PXDNL: variants seen among roughly 807,000 people sequenced by gnomAD.
PXDNL encodes the protein probable oxidoreductase PXDNL.
PXDNL carries 145 observed loss-of-function variants against 150.8 expected under a neutral mutation model. That is an observed-to-expected ratio of 0.96 (90% CI 0.84 to 1.10). PXDNL has a LOEUF of 1.10. Ranked by LOEUF, PXDNL falls within the 50% of genes least tolerant of loss-of-function variation. The probability of loss-of-function intolerance (pLI) is 0.00; values close to 1 mark genes in which losing one functional copy is unlikely to be tolerated. For missense variants in PXDNL, 2,087 were observed against 1,873.9 expected (o/e 1.11, Z -2.10); for synonymous variants, 757 against 725.7 (o/e 1.04, Z -0.69).
chr8:51,449,366 A>C (rs138015447), intron 10 of PXDNL, among the ~76,000 whole-genome samples: 1 of 152,332 alleles, frequency 6.6e-6, no homozygotes, highest in East Asian at 1.9e-4. Context: ...CCATTTCTAA[A>C]TCTTACGGCA....
intron 3 of PXDNL, among the ~76,000 whole-genome samples, chr8:51,563,731 T>C (rs1812761055): frequency 6.6e-6 from 1 of 152,084 alleles, no homozygotes; most frequent in South Asian, 2.1e-4. Flanking sequence ...AAATTCACAG[T>C]TGATACACAC....
intron 2 of PXDNL, among the ~76,000 whole-genome samples, chr8:51,616,428 T>C (rs1326409569): frequency 6.6e-6 from 1 of 152,040 alleles, no homozygotes; most frequent in Non-Finnish European, 1.5e-5. Flanking sequence ...AAAACTAAAC[T>C]GAAGAATGTA....
chr8:51,391,119 C>A (rs1318862031), intron 17 of PXDNL, among the ~76,000 whole-genome samples: 1 of 152,200 alleles, frequency 6.6e-6, no homozygotes, highest in Non-Finnish European at 1.5e-5. Flanking sequence ...TGTATATGTG[C>A]CACATTTTCT....
intron 4 of PXDNL, among the ~76,000 whole-genome samples, chr8:51,542,584 G>T (rs745802101): frequency 4.2e-4 from 63 of 151,756 alleles, no homozygotes; most frequent in Non-Finnish European, 6.6e-4. Flanking sequence ...CGAAGCAGAT[G>T]AATCACATGA....
chr8:51,495,382 A>C (rs199916520), intron 5 of PXDNL, among the ~76,000 whole-genome samples: 8,546 of 152,202 alleles, frequency 0.056, 342 homozygotes, highest in South Asian at 0.092. Flanking sequence ...TAGAAAAGCA[A>C]GAGCAAACAC....
chr8:51,557,154 G>A (rs137876232), intron 3 of PXDNL, among the ~76,000 whole-genome samples: 1,588 of 152,244 alleles, frequency 0.01, 7 homozygotes, highest in South Asian at 0.04. Flanking sequence ...TAGAGTATTT[G>A]TGGAGAAATT....
At chr8:51,387,557 G>T (rs1018557237) in intron 17 of PXDNL, among the ~76,000 whole-genome samples, 1 of 152,126 alleles carries the variant, frequency 6.6e-6, no homozygotes, top group Non-Finnish European at 1.5e-5. Context: ...ATTTTTGCCG[G>T]TTCTAAGCCA....
chr8:51,472,930 T>C (rs1462150037), intron 7 of PXDNL, among the ~76,000 whole-genome samples: 1 of 152,200 alleles, frequency 6.6e-6, no homozygotes, highest in African/African-American at 2.4e-5. Flanking sequence ...CTTTTAGTTT[T>C]CTATAGTTTC....
intron 1 of PXDNL, among the ~76,000 whole-genome samples, chr8:51,717,943 T>G (rs1240074092): frequency 6.6e-6 from 1 of 152,154 alleles, no homozygotes; most frequent in Non-Finnish European, 1.5e-5. Flanking sequence ...AAAAGCAAAG[T>G]GAGAGTCATG....
At chr8:51,409,594 G>T in intron 16 of PXDNL, 33 bp from the exon 17 acceptor site, 1 of 1,517,854 alleles carries the variant, frequency 6.6e-7, no homozygotes. Flanking sequence ...CGTGAGGAGG[G>T]CGGGCCTGGG....
chr8:51,796,643 A>C (rs967892847), intron 1 of PXDNL, among the ~76,000 whole-genome samples: 3 of 152,218 alleles, frequency 2.0e-5, no homozygotes, highest in African/African-American at 7.2e-5. Context: ...AAATCCCTGA[A>C]TAGACCAATA....
At chr8:51,521,812 T>G (rs1811670838) in intron 4 of PXDNL, among the ~76,000 whole-genome samples, 1 of 152,112 alleles carries the variant, frequency 6.6e-6, no homozygotes, top group Admixed American at 6.5e-5. Flanking sequence ...AGGATAAGAA[T>G]TACACTGAAC....
chr8:51,544,703 CTA>C (rs1392225523), intron 4 of PXDNL, among the ~76,000 whole-genome samples: 1 of 152,156 alleles, frequency 6.6e-6, no homozygotes, highest in Admixed American at 6.5e-5. Flanking sequence ...GGGTCAAAGG[CTA>C]TGTCATGAAG....
chr8:51,696,153 C>T (rs1263911157), intron 1 of PXDNL, among the ~76,000 whole-genome samples: 11 of 152,138 alleles, frequency 7.2e-5, no homozygotes, highest in Admixed American at 7.2e-4. Context: ...ACAAAGAGAC[C>T]CTGGCTGCTG....
intron 17 of PXDNL, among the ~76,000 whole-genome samples, chr8:51,398,868 T>A (rs892571099): frequency 6.6e-6 from 1 of 152,246 alleles, no homozygotes; most frequent in South Asian, 2.1e-4. Context: ...ATTATACATG[T>A]ATTTAACAAA....
intron 21 of PXDNL, among the ~76,000 whole-genome samples, chr8:51,322,360 C>T (rs560541437): frequency 1.3e-5 from 2 of 152,134 alleles, no homozygotes; most frequent in East Asian, 3.9e-4. Flanking sequence ...AGCATGGGTA[C>T]CAGAAACAGA....
intron 20 of PXDNL, among the ~76,000 whole-genome samples, chr8:51,343,861 A>G (rs532133173): frequency 6.6e-6 from 1 of 152,346 alleles, no homozygotes; most frequent in East Asian, 1.9e-4. Flanking sequence ...GGCCAAGTGA[A>G]TGTTTCCAAC....
At chr8:51,582,524 C>A (rs1412910245) in intron 3 of PXDNL, among the ~76,000 whole-genome samples, 1 of 152,116 alleles carries the variant, frequency 6.6e-6, no homozygotes, top group Non-Finnish European at 1.5e-5. Context: ...TGTCTATATT[C>A]AGGGTCATAG....
At chr8:51,450,112 A>G (rs1415834925) in intron 10 of PXDNL, among the ~76,000 whole-genome samples, 1 of 152,220 alleles carries the variant, frequency 6.6e-6, no homozygotes, top group Non-Finnish European at 1.5e-5. Flanking sequence ...AGACCATAAA[A>G]GGCAACTTCC....
Sources: gnomAD v4.1 joint callset for allele counts (sites outside exome capture counted in the v4.1 genomes callset) on GRCh38, gnomAD v4.1.1 for gene constraint, MANE v1.5 for transcripts, NCBI Gene and HGNC (gene_info 2026-07-23, HGNC 2026-07-21) for gene names.